Variants in TTC28 observed in about 807,000 individuals in gnomAD.
The protein encoded by TTC28 is tetratricopeptide repeat protein 28.
TTC28 carries 61 observed loss-of-function variants against 198.0 expected under a neutral mutation model. The ratio of observed to expected loss-of-function variants is 0.31; its 90% CI spans 0.25 to 0.38. The LOEUF is 0.38. TTC28 is among the 10% of genes least tolerant of loss of function. The pLI is 1.00. For missense variants in TTC28, 2,678 were observed against 3,164.0 expected, an observed-to-expected ratio of 0.85 and a Z score of 3.69; for synonymous variants, 1,171 against 1,297.8, an observed-to-expected ratio of 0.90 and a Z score of 2.10.
At chr22:27,991,087 GAGCAC>G (rs1217461723) in intron 19 of TTC28, among the ~76,000 whole-genome samples, 1 of 152,136 alleles carries the variant, frequency 6.6e-6, no homozygotes, top group Non-Finnish European at 1.5e-5. Context: ...GGGAGGGAAA[GAGCAC>G]AGCGGGCGTT....
At chr22:28,337,937 G>A (rs1173995706) in intron 2 of TTC28, among the ~76,000 whole-genome samples, 2 of 152,134 alleles carry the variant, frequency 1.3e-5, no homozygotes, top group Admixed American at 6.5e-5. Flanking sequence ...TTCTAGCCTC[G>A]ATGGTCTTTA....
intron 2 of TTC28, among the ~76,000 whole-genome samples, chr22:28,383,872 T>C (rs1347590545): frequency 6.6e-6 from 1 of 152,204 alleles, no homozygotes; most frequent in Non-Finnish European, 1.5e-5. Flanking sequence ...TGTCAACACT[T>C]TGCTCAAAAC....
chr22:28,534,173 C>A (rs1197989032), intron 2 of TTC28, among the ~76,000 whole-genome samples: 1 of 152,146 alleles, frequency 6.6e-6, no homozygotes, highest in Admixed American at 6.5e-5. Context: ...TGACACAGGG[C>A]TAATATCCAG....
intron 2 of TTC28, among the ~76,000 whole-genome samples, chr22:28,526,751 G>T (rs972537793): frequency 1.3e-5 from 2 of 151,792 alleles, no homozygotes; most frequent in Non-Finnish European, 2.9e-5. Flanking sequence ...TTGTTTGTTT[G>T]TTTTTTTATT....
chr22:28,307,010 T>C (rs1405182396), intron 2 of TTC28, among the ~76,000 whole-genome samples: 5 of 152,218 alleles, frequency 3.3e-5, no homozygotes, highest in Non-Finnish European at 5.9e-5. Flanking sequence ...CTCACCTAAG[T>C]ATCTAGTACA....
intron 2 of TTC28, among the ~76,000 whole-genome samples, chr22:28,451,357 A>T (rs757846892): frequency 2.0e-5 from 3 of 152,234 alleles, no homozygotes; most frequent in Non-Finnish European, 4.4e-5. Flanking sequence ...AATCAACCTT[A>T]AAAAGTGCAA....
intron 2 of TTC28, among the ~76,000 whole-genome samples, chr22:28,335,802 C>A (rs2045705548): frequency 6.6e-6 from 1 of 152,152 alleles, no homozygotes. Context: ...AATTTGACTT[C>A]CTCTTTTCCT....
At chr22:28,531,987 A>G (rs2049150620) in intron 2 of TTC28, among the ~76,000 whole-genome samples, 1 of 152,236 alleles carries the variant, frequency 6.6e-6, no homozygotes, top group African/African-American at 2.4e-5. Context: ...CCCTAACATC[A>G]CAATTAAAAG....
At chr22:28,505,261 A>G (rs1332682268) in intron 2 of TTC28, among the ~76,000 whole-genome samples, 1 of 151,400 alleles carries the variant, frequency 6.6e-6, no homozygotes, top group Non-Finnish European at 1.5e-5. Flanking sequence ...CGTCTCAAAA[A>G]AAAAAAAAAA....
chr22:28,421,771 C>T (rs542768769), intron 2 of TTC28, among the ~76,000 whole-genome samples: 4 of 151,738 alleles, frequency 2.6e-5, no homozygotes, highest in East Asian at 3.9e-4. Context: ...CACGGTGAAA[C>T]TAAAAATACA....
chr22:28,138,042 A>T (rs942228221), intron 6 of TTC28, among the ~76,000 whole-genome samples: 1 of 152,122 alleles, frequency 6.6e-6, no homozygotes, highest in Non-Finnish European at 1.5e-5. Flanking sequence ...AAAGGAATAT[A>T]GCCACTATGT....
intron 12 of TTC28, among the ~76,000 whole-genome samples, chr22:28,041,997 C>G (rs1376662214): frequency 6.6e-6 from 1 of 152,158 alleles, no homozygotes; most frequent in African/African-American, 2.4e-5. Flanking sequence ...CATCACTGGT[C>G]ATTAGAAAAA....
At chr22:28,230,524 C>A (rs1453009823) in intron 5 of TTC28, among the ~76,000 whole-genome samples, 2 of 152,208 alleles carry the variant, frequency 1.3e-5, no homozygotes, top group East Asian at 1.9e-4. Flanking sequence ...CCCTTTTATT[C>A]TCCTGGACAT....
intron 5 of TTC28, among the ~76,000 whole-genome samples, chr22:28,199,946 A>AT (rs1925780445): frequency 6.6e-6 from 1 of 152,182 alleles, no homozygotes; most frequent in African/African-American, 2.4e-5. Flanking sequence ...TTAAAATGTC[A>AT]TAAGTAAAAT....
Position 28,254,367 on chromosome 22 carries a change from T to C in TTC28, c.933+41831A>G, listed in dbSNP as rs553114254. On this transcript the variant is annotated intron_variant, in intron 5 of 22. Transcript: ENST00000397906. ...TTGAAGAACATCAACATTCAGTGAG[T>C]GGATATATTTGGGAAAGCCCCAGGA... is the stretch of plus-strand genomic sequence containing the variant. 1.1e-4 allele frequency among the ~76,000 whole-genome samples: 17 copies of C among 151,082 alleles called. No individual in the cohort carries two copies. In the South Asian group the frequency reaches 3.4e-3, roughly 30 times the overall value.
intron 12 of TTC28, among the ~76,000 whole-genome samples, chr22:28,036,603 A>G (rs1304416374): frequency 1.3e-5 from 2 of 152,262 alleles, no homozygotes; most frequent in Admixed American, 6.5e-5. Flanking sequence ...ATCACAATTG[A>G]AAGAACTAGA....
At chr22:28,305,144 C>G (rs1374865709) in intron 3 of TTC28, among the ~76,000 whole-genome samples, 1 of 152,050 alleles carries the variant, frequency 6.6e-6, no homozygotes, top group African/African-American at 2.4e-5. Context: ...GCGCGCACTA[C>G]CACACCCAGC....
intron 2 of TTC28, among the ~76,000 whole-genome samples, chr22:28,561,688 G>A (rs1038130995): frequency 3.3e-5 from 5 of 152,084 alleles, no homozygotes; most frequent in Non-Finnish European, 4.4e-5. Flanking sequence ...TGCCTCAACT[G>A]GAACCACTGT....
At chr22:28,401,189 G>T (rs967036558) in intron 2 of TTC28, among the ~76,000 whole-genome samples, 1 of 147,586 alleles carries the variant, frequency 6.8e-6, no homozygotes, top group Non-Finnish European at 1.5e-5. Context: ...GGAAAAGGAG[G>T]GGGGGAGGAG....
Sources: allele counts gnomAD v4.1 joint callset (sites outside exome capture counted in the v4.1 genomes callset), GRCh38; gene constraint gnomAD v4.1.1; transcripts MANE v1.5; gene names NCBI Gene and HGNC (gene_info 2026-07-23, HGNC 2026-07-21).